Variants in GALNTL6 observed in about 807,000 individuals in gnomAD.
GALNTL6 encodes the protein polypeptide N-acetylgalactosaminyltransferase like 6.
In GALNTL6, 46 loss-of-function variants were observed where a neutral mutation model predicts 73.7. The observed-to-expected ratio is 0.62, with a 90% CI of 0.49 to 0.80. The LOEUF is 0.80. Ranked by LOEUF, GALNTL6 falls within the 30% of genes least tolerant of loss-of-function variation. The pLI is 0.00. For missense variants in GALNTL6, 604 were observed against 755.0 expected, an observed-to-expected ratio of 0.80 and a Z score of 2.34; for synonymous variants, 259 against 263.7, an observed-to-expected ratio of 0.98 and a Z score of 0.17.
chr4:172,754,186 CATT>C (rs1737602047), intron 5 of GALNTL6, among the ~76,000 whole-genome samples: 1 of 152,164 alleles, frequency 6.6e-6, no homozygotes, highest in Non-Finnish European at 1.5e-5. Flanking sequence ...AACTGACAGT[CATT>C]ATCAATAACT....
Position 172,463,657 on chromosome 4 carries a change from T to A in GALNTL6, c.553+114968T>A, listed in dbSNP as rs146621391. Among the ~76,000 whole-genome samples the A allele has an allele frequency of 2.8e-3, 434 of 152,328 alleles. 1 individual carries two copies. The highest frequency in any genetic ancestry group is 1.0e-2 in the African/African-American group (414 of 41,564). On this transcript the variant is annotated intron_variant, in intron 5 of 12. Transcript: ENST00000506823. ...CATACAAAATAAATAATTGTATCATTAACTAATTAATAACAATGTGATGAG... is the reference window on the plus strand; with the variant it reads ...CATACAAAATAAATAATTGTATCATAAACTAATTAATAACAATGTGATGAG...
intron 2 of GALNTL6, among the ~76,000 whole-genome samples, chr4:171,982,131 T>C: frequency 6.6e-6 from 1 of 152,296 alleles, no homozygotes; most frequent in South Asian, 2.1e-4. Context: ...ATTTTAAAAC[T>C]GTTAATATCC....
At chr4:172,572,512 A>G (rs1736798423) in intron 5 of GALNTL6, among the ~76,000 whole-genome samples, 1 of 151,854 alleles carries the variant, frequency 6.6e-6, no homozygotes, top group Non-Finnish European at 1.5e-5. Context: ...TCTGCTATAC[A>G]CTCTCCCACT....
intron 8 of GALNTL6, among the ~76,000 whole-genome samples, chr4:172,900,627 A>C (rs1746578045): frequency 6.6e-6 from 1 of 152,176 alleles, no homozygotes; most frequent in Admixed American, 6.5e-5. Flanking sequence ...TTAAAGAAAA[A>C]AAGAAAAGCA....
rs1753840398 is a variant in GALNTL6 at position 173,039,987 on chromosome 4, GAGA to G, written c.1700_1702del (p.Lys567del). On this transcript the variant is annotated inframe_deletion, in exon 13 of 13. Transcript: ENST00000506823. ...CAGCTGCATGGATTGCAACCCCGCA[GAGA>G]AGAAGATTTTCATGGCCAGATGTGA... is the stretch of plus-strand genomic sequence containing the variant. The G allele has an allele frequency of 1.2e-6, 2 of 1,613,976 alleles. No homozygotes were observed. Among genetic ancestry groups the G allele is most frequent in the Non-Finnish European group, 1.7e-6 (2 of 1,179,856 alleles).
At chr4:172,350,474 A>G (rs907433274) in intron 5 of GALNTL6, among the ~76,000 whole-genome samples, 3 of 152,176 alleles carry the variant, frequency 2.0e-5, no homozygotes, top group African/African-American at 4.8e-5. Context: ...TAGACTGTCA[A>G]TGTAATTAGT....
At chr4:172,540,181 G>A (rs926994889) in intron 5 of GALNTL6, among the ~76,000 whole-genome samples, 14 of 151,426 alleles carry the variant, frequency 9.2e-5, no homozygotes, top group African/African-American at 2.9e-4. Flanking sequence ...CTCCCGAGTA[G>A]CTGGGACTAC....
At chr4:172,816,852 T>C (rs966664992) in intron 7 of GALNTL6, among the ~76,000 whole-genome samples, 5 of 152,016 alleles carry the variant, frequency 3.3e-5, no homozygotes, top group Non-Finnish European at 7.4e-5. Context: ...CGCGCCTGTA[T>C]TCCCAGCATT....
intron 5 of GALNTL6, among the ~76,000 whole-genome samples, chr4:172,448,863 A>C (rs1298038297): frequency 6.6e-6 from 1 of 152,154 alleles, no homozygotes; most frequent in African/African-American, 2.4e-5. Flanking sequence ...AGGAGTGACA[A>C]CCTTATAATC....
intron 2 of GALNTL6, among the ~76,000 whole-genome samples, chr4:172,148,202 A>C (rs1288653798): frequency 6.6e-6 from 1 of 152,104 alleles, no homozygotes; most frequent in African/African-American, 2.4e-5. Context: ...AATTCTGAGT[A>C]TTTCTTAAAA....
At chr4:172,912,677 G>T (rs1216811280) in intron 8 of GALNTL6, among the ~76,000 whole-genome samples, 2 of 152,188 alleles carry the variant, frequency 1.3e-5, no homozygotes, top group African/African-American at 4.8e-5. Flanking sequence ...AGGGGCATCT[G>T]CCATTGCTGA....
intron 3 of GALNTL6, among the ~76,000 whole-genome samples, chr4:172,231,647 A>T (rs989824076): frequency 5.3e-5 from 8 of 152,176 alleles, no homozygotes; most frequent in African/African-American, 1.9e-4. Flanking sequence ...TGTTTCTGAT[A>T]TTCTACTTTG....
intron 5 of GALNTL6, among the ~76,000 whole-genome samples, chr4:172,685,607 A>G (rs572075423): frequency 2.6e-5 from 4 of 152,310 alleles, no homozygotes; most frequent in South Asian, 2.1e-4. Context: ...GCTTTCTTCT[A>G]TGTTCTTAAA....
At position 172,474,281 on chromosome 4, in the gene GALNTL6, C is replaced by T. The variant is rs1218638394; in HGVS notation, c.553+125592C>T. Among the ~76,000 whole-genome samples the T allele has an allele frequency of 3.9e-5, 6 of 152,134 alleles. No homozygotes were observed. The East Asian group carries it at 5.8e-4, about 15-fold the overall frequency. On this transcript the variant is annotated intron_variant, in intron 5 of 12. Transcript: ENST00000506823. ...CATCCTACTGAACATTGCAAGCTGC[C>T]GGCCCCACCCTGTCTCCACCCTAGC...
chr4:172,004,591 T>C (rs1440175892), intron 2 of GALNTL6, among the ~76,000 whole-genome samples: 1 of 152,122 alleles, frequency 6.6e-6, no homozygotes, highest in African/African-American at 2.4e-5. Flanking sequence ...TCAGCATATG[T>C]ACAATATAAG....
chr4:172,636,422 G>A (rs1739683908), intron 5 of GALNTL6, among the ~76,000 whole-genome samples: 1 of 152,174 alleles, frequency 6.6e-6, no homozygotes, highest in African/African-American at 2.4e-5. Flanking sequence ...TTACAGGTGT[G>A]ATTTAGTTAA....
At chr4:172,393,033 C>T (rs1299313809) in intron 5 of GALNTL6, among the ~76,000 whole-genome samples, 2 of 152,226 alleles carry the variant, frequency 1.3e-5, no homozygotes, top group East Asian at 1.9e-4. Flanking sequence ...TGCATGCCGG[C>T]GATCTAGGTT....
chr4:172,487,237 GTCTT>G lies in GALNTL6; in HGVS notation c.553+138561_553+138564del, dbSNP rs746837339. On this transcript the variant is annotated intron_variant, in intron 5 of 12. Coordinates refer to ENST00000506823, the MANE Select transcript of GALNTL6 (RefSeq NM_001034845.3). ...CTCCTTCCTTCCTTCCTTCCTTCCTGTCTTTCTTTCTTTCTTCCTTCCTTCCTTC... is the reference window on the plus strand; with the variant it reads ...CTCCTTCCTTCCTTCCTTCCTTCCTGTCTTTCTTTCTTCCTTCCTTCCTTC... Among the ~76,000 whole-genome samples, 325 of 138,248 alleles carry G rather than the reference GTCTT, an allele frequency of 2.4e-3. 2 individuals are homozygous for G. The highest frequency in any genetic ancestry group is 6.3e-3 in the African/African-American group (235 of 37,304). 90.7% of individuals were successfully genotyped at this position (138,248 alleles called of 152,430 possible). A position where few individuals can be genotyped will look rare whatever the true frequency, so the allele number is the denominator to read the frequency against.
rs188092410 is a variant in GALNTL6, at chr4:172,535,870, G to C, written c.553+187181G>C. On this transcript the variant is annotated intron_variant, in intron 5 of 12. Coordinates refer to ENST00000506823, the MANE Select transcript of GALNTL6 (RefSeq NM_001034845.3). ...TAATAGATTTTGATTTATCAATGAG[G>C]TTATATATATTTTGGTTTACTACTG... 3.9e-5 allele frequency among the ~76,000 whole-genome samples: 6 copies of C among 152,230 alleles called. No homozygotes were observed. In the East Asian group the frequency reaches 1.2e-3, roughly 29 times the overall value.
Sources: gnomAD v4.1 joint callset for allele counts (sites outside exome capture counted in the v4.1 genomes callset) on GRCh38, gnomAD v4.1.1 for gene constraint, MANE v1.5 for transcripts, NCBI Gene and HGNC (gene_info 2026-07-23, HGNC 2026-07-21) for gene names.